The following EGFLAM variants were observed in gnomAD, a reference collection of about 807,000 sequenced individuals.
The protein encoded by EGFLAM is EGF like, fibronectin type III and laminin G domains.
EGFLAM carries 79 observed loss-of-function variants against 113.1 expected under a neutral mutation model. That is an observed-to-expected ratio of 0.70 (90% CI 0.58 to 0.84). The LOEUF (loss-of-function observed/expected upper bound fraction) is 0.84. EGFLAM is among the 40% of genes least tolerant of loss of function. The pLI is 0.00. For missense variants in EGFLAM, 1,265 were observed against 1,291.6 expected (o/e 0.98, Z 0.32); for synonymous variants, 504 against 487.6 (o/e 1.03, Z -0.44).
intron 6 of EGFLAM, among the ~76,000 whole-genome samples, chr5:38,391,816 G>A (rs991291223): frequency 6.6e-5 from 10 of 151,064 alleles, no homozygotes; most frequent in East Asian, 3.9e-4. Context: ...TTACTCTGCC[G>A]CCCAGGCTGG....
intron 13 of EGFLAM, among the ~76,000 whole-genome samples, chr5:38,426,783 A>G (rs1439316228): frequency 6.6e-6 from 1 of 152,134 alleles, no homozygotes; most frequent in East Asian, 1.9e-4. Flanking sequence ...GGAGAGAAAG[A>G]GCATGGAGGA....
At chr5:38,377,396 C>T (rs956723283) in intron 6 of EGFLAM, among the ~76,000 whole-genome samples, 26 of 151,338 alleles carry the variant, frequency 1.7e-4, no homozygotes, top group Admixed American at 9.2e-4. Context: ...CTCCTGCCTC[C>T]GCCTCCCAAA....
chr5:38,374,944 G>T (rs1740324366), intron 6 of EGFLAM, among the ~76,000 whole-genome samples: 1 of 152,050 alleles, frequency 6.6e-6, no homozygotes, highest in Admixed American at 6.6e-5. Context: ...CTTTTTAATG[G>T]GGTTGTTTCT....
chr5:38,326,680 G>C (rs1173621592), intron 1 of EGFLAM, among the ~76,000 whole-genome samples: 1 of 150,802 alleles, frequency 6.6e-6, no homozygotes, highest in Admixed American at 6.6e-5. Flanking sequence ...TTTTAGTAGA[G>C]ATGGGGTTTC....
At chr5:38,433,286 A>G (rs545019420) in intron 15 of EGFLAM, among the ~76,000 whole-genome samples, 3 of 152,300 alleles carry the variant, frequency 2.0e-5, no homozygotes, top group South Asian at 4.1e-4. Context: ...CTCAGCTGGC[A>G]GCTCTGAGAA....
intron 16 of EGFLAM, among the ~76,000 whole-genome samples, chr5:38,436,371 A>C (rs528943836): frequency 6.6e-6 from 1 of 152,286 alleles, no homozygotes; most frequent in South Asian, 2.1e-4. Context: ...GCTAAGGTGA[A>C]GGAGGAATGA....
Position 38,414,915 on chromosome 5 carries a change from G to C in EGFLAM, c.1494+2267G>C, listed in dbSNP as rs182840586. 3.1e-3 allele frequency among the ~76,000 whole-genome samples: 477 copies of C among 152,264 alleles called. 2 individuals carry two copies. The highest frequency in any genetic ancestry group is 0.011 in the African/African-American group (451 of 41,560). On this transcript the variant is annotated intron_variant, in intron 11 of 21. Coordinates refer to ENST00000322350, the MANE Select transcript of EGFLAM (RefSeq NM_152403.4). Reference sequence around the variant, plus strand: ...ACAGAAGTGCAACAGACTATCTCAGGAGAGGGGGGCATCCTTGGGAGGTGT... The same window carrying C: ...ACAGAAGTGCAACAGACTATCTCAGCAGAGGGGGGCATCCTTGGGAGGTGT...
chr5:38,407,748 T>G, intron 8 of EGFLAM, 57 bp from the exon 9 acceptor site: 1 of 1,343,050 alleles, frequency 7.4e-7, no homozygotes, highest in South Asian at 1.2e-5. Flanking sequence ...TATTGATTTT[T>G]GCTTTTGAAG....
intron 5 of EGFLAM, among the ~76,000 whole-genome samples, chr5:38,354,255 A>T (rs1421933268): frequency 1.4e-5 from 2 of 148,046 alleles, no homozygotes; most frequent in East Asian, 3.9e-4. Flanking sequence ...GAATATCCCT[A>T]AAAAAAAAAG....
intron 6 of EGFLAM, among the ~76,000 whole-genome samples, chr5:38,381,882 C>A (rs1482747722): frequency 6.6e-6 from 1 of 152,076 alleles, no homozygotes; most frequent in African/African-American, 2.4e-5. Flanking sequence ...CCAGGATCTG[C>A]CACTTGATTC....
At chr5:38,393,440 A>C (rs1265216537) in intron 6 of EGFLAM, among the ~76,000 whole-genome samples, 1 of 151,874 alleles carries the variant, frequency 6.6e-6, no homozygotes, top group Non-Finnish European at 1.5e-5. Context: ...GGTTCGTTTT[A>C]CTCAGCCCAT....
intron 6 of EGFLAM, among the ~76,000 whole-genome samples, chr5:38,384,256 T>G (rs997424439): frequency 1.3e-5 from 2 of 152,090 alleles, no homozygotes; most frequent in African/African-American, 4.8e-5. Flanking sequence ...TAGCCAGACT[T>G]CCACAATTTT....
At chr5:38,412,464 G>T (rs765884721) in intron 10 of EGFLAM, 40 bp from the exon 11 acceptor site, 37 of 1,613,850 alleles carry the variant, frequency 2.3e-5, no homozygotes, top group Non-Finnish European at 2.8e-5. Context: ...TAATGGCCTG[G>T]TTCGTCAAGA....
chr5:38,274,391 T>G (rs565471255), intron 1 of EGFLAM, among the ~76,000 whole-genome samples: 2 of 152,254 alleles, frequency 1.3e-5, no homozygotes, highest in South Asian at 4.1e-4. Context: ...TAAGGCTGTC[T>G]CAGGACATAT....
At chr5:38,316,763 C>T (rs1225948656) in intron 1 of EGFLAM, among the ~76,000 whole-genome samples, 1 of 152,174 alleles carries the variant, frequency 6.6e-6, no homozygotes, top group African/African-American at 2.4e-5. Context: ...CAGCTGTTTC[C>T]ACTACTTCTC....
At chr5:38,266,303 G>A (rs1004563035) in intron 1 of EGFLAM, among the ~76,000 whole-genome samples, 4 of 152,288 alleles carry the variant, frequency 2.6e-5, no homozygotes, top group South Asian at 4.1e-4. Flanking sequence ...CATGGTGACA[G>A]TGGGTCAGTT....
intron 1 of EGFLAM, among the ~76,000 whole-genome samples, chr5:38,262,309 C>T (rs868222115): frequency 6.6e-6 from 1 of 152,302 alleles, no homozygotes; most frequent in East Asian, 1.9e-4. Flanking sequence ...ACTTAATTCC[C>T]GCAGGCATAT....
chr5:38,321,246 T>C (rs1738732299), intron 1 of EGFLAM, among the ~76,000 whole-genome samples: 1 of 152,184 alleles, frequency 6.6e-6, no homozygotes, highest in East Asian at 1.9e-4. Context: ...ATTCCTTACA[T>C]GCACAGTTCA....
At chr5:38,441,858 AG>A (rs1223967363) in intron 17 of EGFLAM, among the ~76,000 whole-genome samples, 1 of 152,120 alleles carries the variant, frequency 6.6e-6, no homozygotes, top group Non-Finnish European at 1.5e-5. Flanking sequence ...CTGTGTTTCT[AG>A]AACAGCTTCA....
Sources: allele counts gnomAD v4.1 joint callset (sites outside exome capture counted in the v4.1 genomes callset), GRCh38; gene constraint gnomAD v4.1.1; transcripts MANE v1.5; gene names NCBI Gene and HGNC (gene_info 2026-07-23, HGNC 2026-07-21).